FOXO1: variants seen among roughly 807,000 people sequenced by gnomAD.
The protein encoded by FOXO1 is forkhead box O1, also known as forkhead box protein O1.
In FOXO1, 6 loss-of-function variants were observed where a neutral mutation model predicts 44.1. That is an observed-to-expected ratio of 0.14 (90% CI 0.07 to 0.27). The LOEUF (loss-of-function observed/expected upper bound fraction) is 0.27. Among genes scored for constraint, FOXO1 ranks in the 10% least tolerant of loss-of-function variants. The pLI, the probability that FOXO1 is intolerant of heterozygous loss-of-function variation, is 1.00. For missense variants in FOXO1, 737 were observed against 888.8 expected (o/e 0.83, Z 2.17); for synonymous variants, 380 against 362.7 (o/e 1.05, Z -0.54).
At chr13:40,633,363 G>C (rs1247292088) in intron 1 of FOXO1, among the ~76,000 whole-genome samples, 1 of 152,140 alleles carries the variant, frequency 6.6e-6, no homozygotes, top group Admixed American at 6.5e-5. Context: ...ATGTGGGGAG[G>C]TTTTGAAATT....
intron 1 of FOXO1, among the ~76,000 whole-genome samples, chr13:40,625,447 T>A (rs1876755434): frequency 6.6e-6 from 1 of 152,166 alleles, no homozygotes; most frequent in African/African-American, 2.4e-5. Flanking sequence ...ACTGCTCAGT[T>A]TAAGTGTCCA....
At chr13:40,592,679 CA>C (rs1875427995) in intron 1 of FOXO1, among the ~76,000 whole-genome samples, 1 of 152,222 alleles carries the variant, frequency 6.6e-6, no homozygotes, top group Non-Finnish European at 1.5e-5. Context: ...CAATACTTAG[CA>C]CAGTCAGGAA....
intron 1 of FOXO1, among the ~76,000 whole-genome samples, chr13:40,585,800 T>A (rs1171568143): frequency 6.6e-6 from 1 of 152,170 alleles, no homozygotes; most frequent in Non-Finnish European, 1.5e-5. Flanking sequence ...TCCAGATGGA[T>A]GAAAAACCCT....
chr13:40,559,721 C>T lies in FOXO1; in HGVS notation c.1770G>A (p.Met590Ile). 1 of 1,614,026 alleles carries T rather than the reference C, an allele frequency of 6.2e-7. No homozygotes were observed. The highest frequency in any genetic ancestry group is 8.5e-7 in the Non-Finnish European group (1 of 1,179,948). The change falls in exon 2 of 3, where the codon ATG becomes ATA. Residue 590 changes from methionine to isoleucine, a missense_variant. Physicochemically the swap from Met to Ile is conservative, Grantham distance 10. Coordinates refer to ENST00000379561, the MANE Select transcript of FOXO1 (RefSeq NM_002015.4). ...GGAGCTTCTCCTGGTGGAGAAGGCCCATTCTGCCATAGCCATTGCAGCTGC... is the reference window on the plus strand; with the variant it reads ...GGAGCTTCTCCTGGTGGAGAAGGCCTATTCTGCCATAGCCATTGCAGCTGC... ...SVSSCNGYGR[M>I]GLLHQEKLPS...
intron 1 of FOXO1, among the ~76,000 whole-genome samples, chr13:40,561,127 C>G (rs998449123): frequency 6.6e-6 from 1 of 152,078 alleles, no homozygotes. Context: ...CCCAGGCAAG[C>G]GGATCATGAG....
chr13:40,609,124 T>C (rs1451796218), intron 1 of FOXO1, among the ~76,000 whole-genome samples: 1 of 152,190 alleles, frequency 6.6e-6, no homozygotes, highest in Non-Finnish European at 1.5e-5. Flanking sequence ...TCAATGTCAT[T>C]AAAACTACTC....
chr13:40,662,624 A>G (rs946803925), intron 1 of FOXO1, among the ~76,000 whole-genome samples: 5 of 152,244 alleles, frequency 3.3e-5, no homozygotes, highest in African/African-American at 1.2e-4. Flanking sequence ...AAAGAATGAC[A>G]TTAAAAGTTT....
At chr13:40,641,372 T>C (rs931569749) in intron 1 of FOXO1, among the ~76,000 whole-genome samples, 4 of 151,916 alleles carry the variant, frequency 2.6e-5, no homozygotes, top group Non-Finnish European at 5.9e-5. Flanking sequence ...TAGAGAACAA[T>C]TCACTAATAC....
At chr13:40,590,703 T>C (rs1432993398) in intron 1 of FOXO1, among the ~76,000 whole-genome samples, 1 of 152,202 alleles carries the variant, frequency 6.6e-6, no homozygotes, top group Non-Finnish European at 1.5e-5. Context: ...TGCTGCAATA[T>C]CGTTCCAGTT....
chr13:40,608,526 A>G (rs1235317976), intron 1 of FOXO1, among the ~76,000 whole-genome samples: 1 of 152,250 alleles, frequency 6.6e-6, no homozygotes, highest in Non-Finnish European at 1.5e-5. Flanking sequence ...AGCAAAAGCT[A>G]ACTGATACAA....
intron 1 of FOXO1, among the ~76,000 whole-genome samples, chr13:40,617,983 C>T (rs1428314069): frequency 6.6e-6 from 1 of 152,216 alleles, no homozygotes; most frequent in Non-Finnish European, 1.5e-5. Flanking sequence ...GATGCATTCA[C>T]CGGCAAAACA....
At chr13:40,563,877 C>G (rs1441166736) in intron 1 of FOXO1, among the ~76,000 whole-genome samples, 1 of 152,182 alleles carries the variant, frequency 6.6e-6, no homozygotes, top group Non-Finnish European at 1.5e-5. Flanking sequence ...TGGGGTAGCA[C>G]TGGAATGCAG....
chr13:40,566,550 T>G (rs1205550616), intron 1 of FOXO1, among the ~76,000 whole-genome samples: 3 of 152,000 alleles, frequency 2.0e-5, no homozygotes, highest in Non-Finnish European at 4.4e-5. Context: ...GGCTAATTAT[T>G]TGTATTTTTA....
At chr13:40,655,466 G>A (rs1180097680) in intron 1 of FOXO1, among the ~76,000 whole-genome samples, 3 of 151,774 alleles carry the variant, frequency 2.0e-5, no homozygotes, top group Non-Finnish European at 4.4e-5. Context: ...TGGTGCGTCT[G>A]AAAGCTATTT....
intron 1 of FOXO1, among the ~76,000 whole-genome samples, chr13:40,586,195 C>T (rs558865782): frequency 4.4e-4 from 67 of 152,216 alleles, no homozygotes; most frequent in Non-Finnish European, 7.9e-4. Flanking sequence ...AACAGTCTTA[C>T]ATAAATGGCT....
intron 1 of FOXO1, among the ~76,000 whole-genome samples, chr13:40,622,952 G>C (rs1346371652): frequency 6.6e-6 from 1 of 152,096 alleles, no homozygotes; most frequent in African/African-American, 2.4e-5. Flanking sequence ...TGATTCAAAG[G>C]TTTAAGCCCA....
intron 1 of FOXO1, among the ~76,000 whole-genome samples, chr13:40,615,577 A>AT (rs59159345): frequency 2.0e-5 from 3 of 148,752 alleles, no homozygotes; most frequent in Non-Finnish European, 4.5e-5. Context: ...ACATACATAC[A>AT]GCAGAAGGGA....
At chr13:40,606,280 G>T (rs552103440) in intron 1 of FOXO1, among the ~76,000 whole-genome samples, 55 of 151,980 alleles carry the variant, frequency 3.6e-4, no homozygotes, top group African/African-American at 1.3e-3. Flanking sequence ...CCAGCAACAT[G>T]GTTGGTTGGT....
chr13:40,641,472 G>C (rs1399997466), intron 1 of FOXO1, among the ~76,000 whole-genome samples: 1 of 151,610 alleles, frequency 6.6e-6, no homozygotes, highest in Non-Finnish European at 1.5e-5. Flanking sequence ...TAGTTAACTA[G>C]CTGGATGAGC....
Sources: allele counts gnomAD v4.1 joint callset (sites outside exome capture counted in the v4.1 genomes callset), GRCh38; gene constraint gnomAD v4.1.1; transcripts MANE v1.5; gene names NCBI Gene and HGNC (gene_info 2026-07-23, HGNC 2026-07-21).